PRDM5: variants seen among roughly 807,000 people sequenced by gnomAD.
The protein encoded by PRDM5 is PR domain zinc finger protein 5.
Under a neutral mutation model 81.2 loss-of-function variants are expected in PRDM5, and 56 were observed. The ratio of observed to expected loss-of-function variants is 0.69; its 90% CI spans 0.56 to 0.86. PRDM5 has a LOEUF of 0.86. Among genes scored for constraint, PRDM5 ranks in the 40% least tolerant of loss-of-function variants. The pLI, the probability that PRDM5 is intolerant of heterozygous loss-of-function variation, is 0.00. For missense variants in PRDM5, 697 were observed against 770.1 expected, an observed-to-expected ratio of 0.91 and a Z score of 1.12; for synonymous variants, 267 against 256.4, an observed-to-expected ratio of 1.04 and a Z score of -0.39.
intron 15 of PRDM5, among the ~76,000 whole-genome samples, chr4:120,705,549 A>G (rs1193025938): frequency 6.6e-6 from 1 of 152,098 alleles, no homozygotes; most frequent in Non-Finnish European, 1.5e-5. Flanking sequence ...AAAAAAGACT[A>G]AAGAGGCCAT....
At chr4:120,724,925 G>A (rs988080973) in intron 14 of PRDM5, among the ~76,000 whole-genome samples, 11 of 152,106 alleles carry the variant, frequency 7.2e-5, no homozygotes, top group African/African-American at 2.2e-4. Flanking sequence ...AGTCAACACC[G>A]CACAGATGCA....
At chr4:120,817,020 C>A in intron 5 of PRDM5, 96 bp from the exon 6 acceptor site, 2 of 1,039,572 alleles carry the variant, frequency 1.9e-6, no homozygotes, top group South Asian at 2.7e-5. Flanking sequence ...AAGTCATGTT[C>A]GTGATCCCTT....
At chr4:120,765,264 T>C (rs755225649) in intron 13 of PRDM5, among the ~76,000 whole-genome samples, 10 of 152,198 alleles carry the variant, frequency 6.6e-5, no homozygotes, top group Non-Finnish European at 1.5e-4. Flanking sequence ...CAAATAACAA[T>C]GTGTAAGCAA....
intron 13 of PRDM5, among the ~76,000 whole-genome samples, chr4:120,768,585 C>A (rs1746747775): frequency 6.6e-6 from 1 of 152,158 alleles, no homozygotes; most frequent in Admixed American, 6.5e-5. Context: ...GCCCCCAGAT[C>A]TCTACTAGAT....
chr4:120,758,354 T>A (rs1168759700), intron 13 of PRDM5, among the ~76,000 whole-genome samples: 1 of 152,202 alleles, frequency 6.6e-6, no homozygotes, highest in Non-Finnish European at 1.5e-5. Context: ...AATTGTGCCC[T>A]CCCATACCAA....
chr4:120,740,388 T>C (rs558293515), intron 14 of PRDM5, among the ~76,000 whole-genome samples: 1 of 152,258 alleles, frequency 6.6e-6, no homozygotes, highest in Non-Finnish European at 1.5e-5. Flanking sequence ...AAAACAGAAA[T>C]AGCTATTAGC....
At chr4:120,777,988 C>T (rs1453887998) in intron 12 of PRDM5, among the ~76,000 whole-genome samples, 1 of 152,042 alleles carries the variant, frequency 6.6e-6, no homozygotes, top group African/African-American at 2.4e-5. Flanking sequence ...TAAACTGGCC[C>T]TACAGTCTCA....
chr4:120,735,376 A>G (rs1740959593), intron 14 of PRDM5, among the ~76,000 whole-genome samples: 2 of 152,266 alleles, frequency 1.3e-5, no homozygotes, highest in South Asian at 4.1e-4. Context: ...TACATTATTC[A>G]TATGTTCAAA....
chr4:120,808,730 G>T (rs780632013), intron 8 of PRDM5, among the ~76,000 whole-genome samples: 1 of 152,186 alleles, frequency 6.6e-6, no homozygotes, highest in Non-Finnish European at 1.5e-5. Flanking sequence ...AGGCACGGTG[G>T]GCTGCAGGTC....
chr4:120,742,151 AC>A (rs1465421119), intron 14 of PRDM5, among the ~76,000 whole-genome samples: 2 of 152,140 alleles, frequency 1.3e-5, no homozygotes, highest in Non-Finnish European at 2.9e-5. Flanking sequence ...ACTGGGAGGC[AC>A]CCTCCAGCAG....
intron 8 of PRDM5, among the ~76,000 whole-genome samples, chr4:120,808,546 C>T (rs112888121): frequency 0.056 from 8,458 of 152,254 alleles, 363 homozygotes; most frequent in Middle Eastern, 0.15. Context: ...CAGCTGGCTT[C>T]ACCCAGTGGA....
intron 14 of PRDM5, among the ~76,000 whole-genome samples, chr4:120,715,954 C>T (rs1228601783): frequency 1.3e-5 from 2 of 152,184 alleles, no homozygotes; most frequent in Non-Finnish European, 2.9e-5. Flanking sequence ...TTAGGAGACA[C>T]TATCTGGGTG....
At chr4:120,711,056 G>T (rs1407817026) in intron 14 of PRDM5, among the ~76,000 whole-genome samples, 1 of 152,182 alleles carries the variant, frequency 6.6e-6, no homozygotes, top group Non-Finnish European at 1.5e-5. Context: ...AATGCTGGAT[G>T]CTGGATGGTT....
intron 4 of PRDM5, 145 bp from the exon 5 acceptor site, chr4:120,818,672 A>T (rs1341677947): frequency 2.8e-6 from 2 of 708,192 alleles, no homozygotes; most frequent in Non-Finnish European, 4.7e-6. Flanking sequence ...AAATATTAAT[A>T]GTATTTGGCC....
intron 2 of PRDM5, among the ~76,000 whole-genome samples, chr4:120,857,189 C>T (rs967609089): frequency 1.3e-5 from 2 of 152,114 alleles, no homozygotes; most frequent in African/African-American, 4.8e-5. Context: ...AAAACCCCAT[C>T]TCTATTAAAA....
intron 10 of PRDM5, among the ~76,000 whole-genome samples, chr4:120,794,976 G>T (rs772859358): frequency 1.3e-5 from 2 of 152,008 alleles, no homozygotes; most frequent in Non-Finnish European, 2.9e-5. Flanking sequence ...TTGATTTCAA[G>T]ACCTACACAG....
intron 14 of PRDM5, among the ~76,000 whole-genome samples, chr4:120,721,991 G>A (rs1738679756): frequency 6.6e-6 from 1 of 152,210 alleles, no homozygotes; most frequent in South Asian, 2.1e-4. Context: ...CAGAGGGACA[G>A]AGGGGAGCCA....
chr4:120,809,462 G>T (rs1753527931), intron 8 of PRDM5, among the ~76,000 whole-genome samples: 1 of 151,922 alleles, frequency 6.6e-6, no homozygotes, highest in Admixed American at 6.6e-5. Flanking sequence ...AAAATGACAA[G>T]TAATACTATT....
chr4:120,777,132 G>A, intron 13 of PRDM5, 56 bp downstream of exon 13: 1 of 1,612,034 alleles, frequency 6.2e-7, no homozygotes, highest in South Asian at 1.1e-5. Flanking sequence ...TCCTGTCTTG[G>A]AAGCATGTGA....
Sources: gnomAD v4.1 joint callset for allele counts (sites outside exome capture counted in the v4.1 genomes callset) on GRCh38, gnomAD v4.1.1 for gene constraint, MANE v1.5 for transcripts, NCBI Gene and HGNC (gene_info 2026-07-23, HGNC 2026-07-21) for gene names.